Variants in PLEKHH2 observed in about 807,000 individuals in gnomAD.
PLEKHH2 encodes the protein pleckstrin homology domain-containing family H member 2.
A neutral mutation model predicts 187.9 loss-of-function variants in PLEKHH2; 129 were observed. The ratio of observed to expected loss-of-function variants is 0.69; its 90% CI spans 0.59 to 0.79. The LOEUF (loss-of-function observed/expected upper bound fraction) is 0.79, where lower values mean the gene tolerates loss of function less well. Among genes scored for constraint, PLEKHH2 ranks in the 30% least tolerant of loss-of-function variants. The pLI, the probability that PLEKHH2 is intolerant of heterozygous loss-of-function variation, is 0.00. For synonymous variants in PLEKHH2, 686 were observed against 605.6 expected, an observed-to-expected ratio of 1.13 and a Z score of -1.95; for missense variants, 2,076 against 1,751.2, an observed-to-expected ratio of 1.19 and a Z score of -3.31.
chr2:43,684,868 A>T (rs1668422533), intron 3 of PLEKHH2, among the ~76,000 whole-genome samples: 1 of 151,372 alleles, frequency 6.6e-6, no homozygotes, highest in Middle Eastern at 3.4e-3. Flanking sequence ...CAGAGTTTCC[A>T]TGTGTTAGCA....
chr2:43,675,172 A>C, intron 2 of PLEKHH2: 1 of 426,846 alleles, frequency 2.3e-6, no homozygotes, highest in Non-Finnish European at 4.1e-6. Flanking sequence ...AGTATATTTT[A>C]TTTAATGCAA....
chr2:43,702,718 T>C (rs1669442677), intron 8 of PLEKHH2, among the ~76,000 whole-genome samples: 1 of 152,110 alleles, frequency 6.6e-6, no homozygotes, highest in Non-Finnish European at 1.5e-5. Context: ...TCAATAAATA[T>C]GAGTTTATTT....
intron 2 of PLEKHH2, chr2:43,675,583 G>C: frequency 6.2e-7 from 1 of 1,613,590 alleles, no homozygotes; most frequent in South Asian, 1.1e-5. Context: ...CTGTGCGATT[G>C]GTTTTGTATT....
At chr2:43,680,290 C>T (rs996931606) in intron 3 of PLEKHH2, among the ~76,000 whole-genome samples, 2 of 152,144 alleles carry the variant, frequency 1.3e-5, no homozygotes, top group African/African-American at 4.8e-5. Flanking sequence ...ATGTTCACAA[C>T]ACAAATAAAT....
At chr2:43,709,120 T>C (rs940459965) in intron 11 of PLEKHH2, among the ~76,000 whole-genome samples, 2 of 152,232 alleles carry the variant, frequency 1.3e-5, no homozygotes, top group African/African-American at 2.4e-5. Flanking sequence ...AAATGAATCA[T>C]TGTATAAATG....
chr2:43,719,912 T>C (rs1324639766), intron 15 of PLEKHH2, among the ~76,000 whole-genome samples: 1 of 152,148 alleles, frequency 6.6e-6, no homozygotes, highest in Non-Finnish European at 1.5e-5. Context: ...GACATTAGAG[T>C]GTTAACCTAG....
intron 27 of PLEKHH2, 63 bp from the exon 28 acceptor site, chr2:43,762,241 T>C (rs1228360563): frequency 1.0e-5 from 13 of 1,248,102 alleles, no homozygotes; most frequent in African/African-American, 1.5e-5. Context: ...ACATTTAGAC[T>C]GAAAAATATT....
At chr2:43,720,572 C>A in intron 15 of PLEKHH2, 97 bp from the exon 16 acceptor site, 1 of 1,549,346 alleles carries the variant, frequency 6.5e-7, no homozygotes, top group Non-Finnish European at 8.7e-7. Context: ...TCTGGGCAAA[C>A]TGGATGCCTA....
At chr2:43,696,815 G>A (rs1034091155) in intron 6 of PLEKHH2, among the ~76,000 whole-genome samples, 5 of 152,086 alleles carry the variant, frequency 3.3e-5, no homozygotes, top group Non-Finnish European at 7.4e-5. Flanking sequence ...TTTTACCAAC[G>A]CTGAACTGGT....
At chr2:43,694,610 A>C in intron 5 of PLEKHH2, 96 bp downstream of exon 5, 1 of 1,305,768 alleles carries the variant, frequency 7.7e-7, no homozygotes, top group Admixed American at 3.2e-5. Context: ...AAAACAAAGA[A>C]TTTTGATCGG....
In PLEKHH2 at chr2:43,712,381, A is replaced by G; in HGVS notation, c.2458A>G (p.Lys820Glu). ...ACCCACCATGAAGGGATTGCTCACTAAGGTAGGAACCTCCTGTGCATAGCA... is the reference window on the plus strand; with the variant it reads ...ACCCACCATGAAGGGATTGCTCACTGAGGTAGGAACCTCCTGTGCATAGCA... ...GKPTMKGLLTKVKHGYSKRVW... is the reference protein window; with the variant it reads ...GKPTMKGLLTEVKHGYSKRVW... Residue 820 changes from lysine (K) to glutamate (E), a missense_variant and splice_region_variant, in exon 15 of 30, where the codon AAG becomes GAG. Coordinates refer to ENST00000282406, the MANE Select transcript of PLEKHH2 (RefSeq NM_172069.4). 6.2e-7 allele frequency: 1 copy of G among 1,613,996 alleles called. No individual in the cohort carries two copies. The highest frequency in any genetic ancestry group is 8.5e-7 in the Non-Finnish European group (1 of 1,179,954).
chr2:43,683,753 G>C (rs1279683887), intron 3 of PLEKHH2, among the ~76,000 whole-genome samples: 1 of 151,824 alleles, frequency 6.6e-6, no homozygotes, highest in African/African-American at 2.4e-5. Flanking sequence ...CCTCCACCAG[G>C]AGGTGGATGT....
chr2:43,729,061 C>T (rs966746152), intron 17 of PLEKHH2, among the ~76,000 whole-genome samples: 1 of 151,948 alleles, frequency 6.6e-6, no homozygotes, highest in Admixed American at 6.6e-5. Flanking sequence ...TATCCTGCAG[C>T]CATTAAAACT....
At chr2:43,675,417 G>A in intron 2 of PLEKHH2, 1 of 1,606,438 alleles carries the variant, frequency 6.2e-7, no homozygotes, top group Non-Finnish European at 8.5e-7. Context: ...AAACGAGTGT[G>A]TCATTGAAAT....
At chr2:43,690,791 C>A (rs1277594350) in intron 3 of PLEKHH2, among the ~76,000 whole-genome samples, 2 of 152,166 alleles carry the variant, frequency 1.3e-5, no homozygotes, top group Non-Finnish European at 2.9e-5. Flanking sequence ...TCTCAAACAT[C>A]TCTTATTTGG....
At position 43,709,986 on chromosome 2, in the gene PLEKHH2, T is replaced by C; in HGVS notation, c.1967-4T>C. On this transcript the variant is annotated splice_region_variant and splice_polypyrimidine_tract_variant and intron_variant, in intron 11 of 29. Transcript: ENST00000282406. The stretch of plus-strand genomic sequence containing the variant: ...TGACTTGATTTCTTTCTTTGTTCTC[T>C]TAGGTGTGTCTCTCTCCTCTGTGGC... The C allele has an allele frequency of 6.2e-7, 1 of 1,604,222 alleles. No individual in the cohort carries two copies. The highest frequency in any genetic ancestry group is 8.5e-7 in the Non-Finnish European group (1 of 1,176,720).
intron 6 of PLEKHH2, among the ~76,000 whole-genome samples, chr2:43,696,529 A>T (rs1334281824): frequency 6.6e-6 from 1 of 151,270 alleles, no homozygotes; most frequent in Admixed American, 6.6e-5. Flanking sequence ...TAAATTCATG[A>T]TTAGATGCTG....
chr2:43,637,755 C>A (rs1703182802), intron 1 of PLEKHH2, among the ~76,000 whole-genome samples: 1 of 152,184 alleles, frequency 6.6e-6, no homozygotes, highest in South Asian at 2.1e-4. Context: ...CCGAGGGACC[C>A]GCGCGGTCAG....
In PLEKHH2 at chr2:43,762,404, C is replaced by A; in HGVS notation, c.4158+14C>A. Reference sequence around the variant, plus strand: ...TACAACTCCATGGTAAGTTTAAACGCTCAAGTTTTGCATTAAGTCAACTGT... The same window carrying A: ...TACAACTCCATGGTAAGTTTAAACGATCAAGTTTTGCATTAAGTCAACTGT... On this transcript the variant is annotated intron_variant, in intron 28 of 29. Coordinates refer to ENST00000282406, the MANE Select transcript of PLEKHH2 (RefSeq NM_172069.4). 6.3e-7 allele frequency: 1 copy of A among 1,579,488 alleles called. No homozygotes were observed. Among genetic ancestry groups the A allele is most frequent in the Non-Finnish European group, 8.7e-7 (1 of 1,148,808 alleles).
Sources: allele counts gnomAD v4.1 joint callset (sites outside exome capture counted in the v4.1 genomes callset), GRCh38; gene constraint gnomAD v4.1.1; transcripts MANE v1.5; gene names NCBI Gene and HGNC (gene_info 2026-07-23, HGNC 2026-07-21).